The following NXPE4 variants were observed in gnomAD, a reference collection of about 807,000 sequenced individuals.
NXPE4 encodes neurexophilin and PC-esterase domain family member 4, also known as NXPE family member 4.
In NXPE4, 42 loss-of-function variants were observed where a neutral mutation model predicts 33.3. The ratio of observed to expected loss-of-function variants is 1.26; its 90% CI spans 0.98 to 1.63. NXPE4 has a LOEUF of 1.63. Among genes scored for constraint, NXPE4 ranks in the 40% most tolerant of loss-of-function variants. The pLI is 0.00. For missense variants in NXPE4, 709 were observed against 647.6 expected (o/e 1.09, Z -1.03); for synonymous variants, 253 against 234.9 (o/e 1.08, Z -0.71).
At chr11:114,613,481 C>T in the NXPE4 span, among the ~76,000 whole-genome samples, 3 of 151,776 alleles carry the variant, frequency 2.0e-5, no homozygotes, top group African/African-American at 4.8e-5. Context: ...AGTATTGCCT[C>T]GTGGGTAACC....
At chr11:114,645,283 AGAGT>A in the NXPE4 span, among the ~76,000 whole-genome samples, 1 of 152,182 alleles carries the variant, frequency 6.6e-6, no homozygotes, top group Non-Finnish European at 1.5e-5. Context: ...CCTGGGTGAC[AGAGT>A]GAGACTCCAT....
the NXPE4 span, among the ~76,000 whole-genome samples, chr11:114,631,545 G>C: frequency 9.1e-6 from 1 of 109,938 alleles, no homozygotes. Flanking sequence ...AGGGGGGAGG[G>C]ATAGCACTGG....
the NXPE4 span, among the ~76,000 whole-genome samples, chr11:114,643,211 G>C: frequency 6.6e-6 from 1 of 152,062 alleles, no homozygotes; most frequent in African/African-American, 2.4e-5. Flanking sequence ...TAGGTTTCCT[G>C]TTCATTCTGA....
chr11:114,633,096 T>C, the NXPE4 span, among the ~76,000 whole-genome samples: 103 of 121,732 alleles, frequency 8.5e-4, no homozygotes, highest in African/African-American at 3.1e-3. Flanking sequence ...TTATGTATTT[T>C]ATATATTTTA....
At chr11:114,669,108 C>A in the NXPE4 span, among the ~76,000 whole-genome samples, 1 of 152,004 alleles carries the variant, frequency 6.6e-6, no homozygotes, top group Non-Finnish European at 1.5e-5. Flanking sequence ...CAATAGAAAT[C>A]AAGAGATGAC....
the NXPE4 span, among the ~76,000 whole-genome samples, chr11:114,617,861 G>T: frequency 0.085 from 12,860 of 152,132 alleles, 648 homozygotes; most frequent in Middle Eastern, 0.2. Flanking sequence ...AATAAGTATT[G>T]CCTCATGGGT....
chr11:114,598,342 A>G (rs958654697), upstream of NXPE4, among the ~76,000 whole-genome samples: 15 of 46,374 alleles, frequency 3.2e-4, no homozygotes, highest in Non-Finnish European at 5.8e-4. Flanking sequence ...CTGCCAGTGT[A>G]TCTACCATTC....
intron 2 of NXPE4, 46 bp from the exon 3 acceptor site, chr11:114,583,067 T>A: frequency 6.5e-7 from 1 of 1,549,496 alleles, no homozygotes; most frequent in Non-Finnish European, 8.7e-7. Context: ...ATTTAGAGCA[T>A]ATCTGAACTG....
the NXPE4 span, among the ~76,000 whole-genome samples, chr11:114,610,448 G>A: frequency 3.3e-5 from 5 of 151,958 alleles, no homozygotes; most frequent in South Asian, 8.3e-4. Flanking sequence ...CTGTTTCCCG[G>A]TGGATAATAA....
At chr11:114,635,471 A>C in the NXPE4 span, among the ~76,000 whole-genome samples, 1 of 151,790 alleles carries the variant, frequency 6.6e-6, no homozygotes, top group Non-Finnish European at 1.5e-5. Context: ...TCTCCTGCGT[A>C]ATTGCCCTGG....
chr11:114,624,580 C>G, the NXPE4 span, among the ~76,000 whole-genome samples: 4 of 151,708 alleles, frequency 2.6e-5, no homozygotes, highest in African/African-American at 9.7e-5. Flanking sequence ...TGGGTAACCA[C>G]TGTTAACTGG....
the NXPE4 span, among the ~76,000 whole-genome samples, chr11:114,618,290 G>T: frequency 6.6e-6 from 1 of 152,082 alleles, no homozygotes; most frequent in South Asian, 2.1e-4. Context: ...TACCGCATGG[G>T]TAACCACTGT....
intron 2 of NXPE4, among the ~76,000 whole-genome samples, chr11:114,585,175 A>T (rs930299184): frequency 6.6e-6 from 1 of 151,674 alleles, no homozygotes; most frequent in South Asian, 2.1e-4. Context: ...ACTGCCTGCC[A>T]TCTGTCTTCC....
At chr11:114,613,369 C>A in the NXPE4 span, among the ~76,000 whole-genome samples, 284 of 151,838 alleles carry the variant, frequency 1.9e-3, no homozygotes, top group Middle Eastern at 0.01. Flanking sequence ...ACCACGGTTA[C>A]CCTGTGGAAA....
At chr11:114,661,282 A>G in the NXPE4 span, among the ~76,000 whole-genome samples, 2 of 152,328 alleles carry the variant, frequency 1.3e-5, no homozygotes, top group East Asian at 1.9e-4. Flanking sequence ...GGTAAGGGAA[A>G]TAGAATAATC....
At chr11:114,576,638 A>G (rs913633554) in intron 5 of NXPE4, among the ~76,000 whole-genome samples, 8 of 152,148 alleles carry the variant, frequency 5.3e-5, no homozygotes, top group African/African-American at 1.7e-4. Flanking sequence ...CAAAACCACA[A>G]TGTGATACCA....
the NXPE4 span, among the ~76,000 whole-genome samples, chr11:114,601,814 A>T: frequency 1.4e-5 from 1 of 69,794 alleles, no homozygotes; most frequent in African/African-American, 7.2e-5. Flanking sequence ...ATATTATATA[A>T]TTATATATAA....
chr11:114,598,665 C>A (rs1296890037), upstream of NXPE4, among the ~76,000 whole-genome samples: 3 of 151,640 alleles, frequency 2.0e-5, no homozygotes, highest in Non-Finnish European at 4.4e-5. Flanking sequence ...GTACCTGGGC[C>A]TCTTTGAGCC....
At chr11:114,597,612 T>G (rs776673530), upstream of NXPE4, among the ~76,000 whole-genome samples, 2 of 152,098 alleles carry the variant, frequency 1.3e-5, no homozygotes, top group African/African-American at 2.4e-5. Context: ...TGCCTAGACC[T>G]TGGTTTCTTA....
Sources: allele counts gnomAD v4.1 joint callset (sites outside exome capture counted in the v4.1 genomes callset), GRCh38; gene constraint gnomAD v4.1.1; transcripts MANE v1.5; gene names NCBI Gene and HGNC (gene_info 2026-07-23, HGNC 2026-07-21).